The following CALN1 variants were observed in gnomAD, a reference collection of about 807,000 sequenced individuals.
CALN1 encodes the protein calneuron 1.
In CALN1, 17 loss-of-function variants were observed where a neutral mutation model predicts 30.6. That is an observed-to-expected ratio of 0.56 (90% confidence interval 0.38 to 0.83). The LOEUF is 0.83. Ranked by LOEUF, CALN1 falls within the 40% of genes least tolerant of loss-of-function variation. The pLI is 0.00. For missense variants in CALN1, 291 were observed against 354.9 expected (o/e 0.82, Z 1.45); for synonymous variants, 156 against 131.4 (o/e 1.19, Z -1.28).
At chr7:72,071,034 G>A (rs944014566) in intron 4 of CALN1, among the ~76,000 whole-genome samples, 1 of 152,222 alleles carries the variant, frequency 6.6e-6, no homozygotes, top group Non-Finnish European at 1.5e-5. Context: ...TTTGTCCTGT[G>A]TGACTATTTT....
At chr7:72,422,229 C>G (rs1807635450) in intron 1 of CALN1, among the ~76,000 whole-genome samples, 1 of 152,224 alleles carries the variant, frequency 6.6e-6, no homozygotes, top group South Asian at 2.1e-4. Context: ...GGCCGTACTA[C>G]TAGTTTACAT....
chr7:72,318,831 C>T (rs1800670893), intron 2 of CALN1, among the ~76,000 whole-genome samples: 1 of 2,936 alleles, frequency 3.4e-4, no homozygotes, highest in Non-Finnish European at 6.6e-3. Flanking sequence ...GGATTTCAGG[C>T]ATGTGTCAGG....
chr7:71,817,638 C>A (rs1015016066), intron 5 of CALN1, among the ~76,000 whole-genome samples: 5 of 152,168 alleles, frequency 3.3e-5, no homozygotes, highest in African/African-American at 4.8e-5. Context: ...GCCTCAGCCT[C>A]CCGAGTAGCT....
chr7:72,248,397 C>CCT (rs549944125), intron 3 of CALN1, among the ~76,000 whole-genome samples: 1 of 152,310 alleles, frequency 6.6e-6, no homozygotes, highest in South Asian at 2.1e-4. Flanking sequence ...CCACGCCCGG[C>CCT]CTCTTTGCCT....
chr7:72,398,215 A>C (rs1227055318), intron 2 of CALN1, among the ~76,000 whole-genome samples: 1 of 152,246 alleles, frequency 6.6e-6, no homozygotes, highest in African/African-American at 2.4e-5. Flanking sequence ...GAGTTCCTTC[A>C]GCCTCTCACT....
rs1033955430 is a variant in CALN1 at position 71,967,817 on chromosome 7, T to C, written c.501+55840A>G. Among the ~76,000 whole-genome samples, 4 of 152,064 alleles carry C rather than the reference T, an allele frequency of 2.6e-5. No homozygotes were observed. In the East Asian group the frequency reaches 5.8e-4, roughly 22 times the overall value. ...AAAAGAAAGCAAACAAAAACCACAA[T>C]GAGATGCCACTGTAGACTTATTAAA... On this transcript the variant is annotated intron_variant, in intron 5 of 6. Coordinates refer to ENST00000395275, the MANE Select transcript of CALN1 (RefSeq NM_031468.4).
At chr7:71,997,123 T>C (rs933969553) in intron 5 of CALN1, among the ~76,000 whole-genome samples, 1 of 151,958 alleles carries the variant, frequency 6.6e-6, no homozygotes, top group Non-Finnish European at 1.5e-5. Flanking sequence ...CAGCTACTCA[T>C]GCGAGTGACT....
chr7:72,300,317 C>A (rs1164243944), intron 2 of CALN1, among the ~76,000 whole-genome samples: 1 of 151,954 alleles, frequency 6.6e-6, no homozygotes, highest in Non-Finnish European at 1.5e-5. Flanking sequence ...GGCCCTTTGA[C>A]CCTGTAACTC....
chr7:72,331,401 C>T (rs2129558094), intron 2 of CALN1, among the ~76,000 whole-genome samples: 1 of 152,202 alleles, frequency 6.6e-6, no homozygotes, highest in Non-Finnish European at 1.5e-5. Context: ...AACAGTCTCT[C>T]CCAATCCCAG....
At chr7:72,102,758 G>C (rs1247374914) in intron 4 of CALN1, among the ~76,000 whole-genome samples, 1 of 151,874 alleles carries the variant, frequency 6.6e-6, no homozygotes, top group Non-Finnish European at 1.5e-5. Flanking sequence ...GAAATATGGG[G>C]ATTGAGAGGT....
At chr7:72,430,762 T>C (rs1024992377) in intron 1 of CALN1, among the ~76,000 whole-genome samples, 2 of 152,220 alleles carry the variant, frequency 1.3e-5, no homozygotes, top group African/African-American at 4.8e-5. Flanking sequence ...CCGGAAGGTG[T>C]CCTGGTCACC....
chr7:72,081,581 C>A (rs1805149047), intron 4 of CALN1, among the ~76,000 whole-genome samples: 1 of 152,090 alleles, frequency 6.6e-6, no homozygotes, highest in Non-Finnish European at 1.5e-5. Context: ...CACCACCATG[C>A]CGAGCTAGTT....
intron 2 of CALN1, among the ~76,000 whole-genome samples, chr7:72,323,373 C>T (rs1296016468): frequency 6.6e-6 from 1 of 152,124 alleles, no homozygotes; most frequent in Non-Finnish European, 1.5e-5. Context: ...CTTGGTAGTC[C>T]CACTGTGGTC....
upstream of CALN1, among the ~76,000 whole-genome samples, chr7:72,416,496 G>C (rs534456409): frequency 6.6e-6 from 1 of 152,192 alleles, no homozygotes; most frequent in Non-Finnish European, 1.5e-5. Flanking sequence ...CGCTTTGCGA[G>C]GCTGAGACAG....
chr7:72,311,399 G>T (rs1003027921), intron 2 of CALN1, among the ~76,000 whole-genome samples: 1 of 152,132 alleles, frequency 6.6e-6, no homozygotes, highest in African/African-American at 2.4e-5. Context: ...GGAGTCAAAA[G>T]TTATGTGAAT....
chr7:71,896,298 T>C (rs892366109), intron 5 of CALN1, among the ~76,000 whole-genome samples: 14 of 152,170 alleles, frequency 9.2e-5, no homozygotes, highest in African/African-American at 3.1e-4. Flanking sequence ...AACTCGACAA[T>C]TGAGGGCTGA....
intron 2 of CALN1, among the ~76,000 whole-genome samples, chr7:72,329,633 G>C (rs991301701): frequency 1.3e-5 from 2 of 152,100 alleles, no homozygotes; most frequent in Non-Finnish European, 2.9e-5. Context: ...TGTCATTCTG[G>C]TATCAGCCTA....
chr7:72,312,394 G>GAAAA (rs768174448), intron 2 of CALN1, among the ~76,000 whole-genome samples: 6 of 71,612 alleles, frequency 8.4e-5, no homozygotes, highest in Non-Finnish European at 1.2e-4. Flanking sequence ...CTTCATCTCA[G>GAAAA]AAAAAAAAAA....
intron 3 of CALN1, among the ~76,000 whole-genome samples, chr7:72,125,010 A>G (rs558297431): frequency 7.9e-5 from 12 of 152,178 alleles, no homozygotes; most frequent in African/African-American, 2.6e-4. Context: ...TCACCATAAT[A>G]TACCATGGTT....
Sources: allele counts gnomAD v4.1 joint callset (sites outside exome capture counted in the v4.1 genomes callset), GRCh38; gene constraint gnomAD v4.1.1; transcripts MANE v1.5; gene names NCBI Gene and HGNC (gene_info 2026-07-23, HGNC 2026-07-21).